The following TMEM59 variants were observed in gnomAD, a reference collection of about 807,000 sequenced individuals.
TMEM59 encodes dendritic cell factor 1.
A neutral mutation model predicts 42.2 loss-of-function variants in TMEM59; 44 were observed. That is an observed-to-expected ratio of 1.04 (90% confidence interval 0.82 to 1.34). TMEM59 has a LOEUF of 1.34. Among genes scored for constraint, TMEM59 ranks in the 40% most tolerant of loss-of-function variants. The probability of loss-of-function intolerance (pLI) is 0.00; values close to 1 mark genes in which losing one functional copy is unlikely to be tolerated. For missense variants in TMEM59, 359 were observed against 382.8 expected (o/e 0.94, Z 0.52); for synonymous variants, 148 against 145.8 (o/e 1.02, Z -0.11).
At chr1:54,044,339 C>CAAA (rs1557678253) in intron 3 of TMEM59, 1 of 49,742 alleles carries the variant, frequency 2.0e-5, no homozygotes, top group South Asian at 1.1e-3. Context: ...GAGACTCCAT[C>CAAA]ACAAAAAAAA....
At chr1:54,050,443 G>A (rs1197383353) in intron 1 of TMEM59, among the ~76,000 whole-genome samples, 1 of 150,804 alleles carries the variant, frequency 6.6e-6, no homozygotes, top group Non-Finnish European at 1.5e-5. Flanking sequence ...TTTCTATCTC[G>A]TTTTTCAAAC....
At chr1:54,052,270 G>C (rs951272575) in intron 1 of TMEM59, among the ~76,000 whole-genome samples, 4 of 152,274 alleles carry the variant, frequency 2.6e-5, no homozygotes, top group Admixed American at 2.6e-4. Context: ...GGGAAGCATA[G>C]AGAGGAGGGC....
At chr1:54,045,936 T>C in intron 2 of TMEM59, 150 bp from the exon 3 acceptor site, 1 of 619,180 alleles carries the variant, frequency 1.6e-6, no homozygotes. Flanking sequence ...TAGTAGGAAA[T>C]GTATCTTTAA....
chr1:54,043,409 A>T lies in TMEM59; in HGVS notation c.507T>A (p.Tyr169Ter), dbSNP rs1657210946. ...QSFITSSWTFYLQADDGKIVI... is the reference protein window; with the variant it reads ...QSFITSSWTF Reference sequence around the variant, plus strand: ...CTATTTTTCCGTCATCGGCTTGAAGATAAAAAGTCCATGAAGAGGTTATGA... The same window carrying T: ...CTATTTTTCCGTCATCGGCTTGAAGTTAAAAAGTCCATGAAGAGGTTATGA... Residue 169 changes from tyrosine to a stop codon, truncating the protein, a stop_gained, in exon 4 of 8, where the codon TAT becomes TAA. Transcript: ENST00000234831. LOFTEE classifies it high-confidence loss of function. 2 of 1,566,270 alleles carry T rather than the reference A, an allele frequency of 1.3e-6. No individual in the cohort carries two copies. The highest frequency in any genetic ancestry group is 1.7e-6 in the Non-Finnish European group (2 of 1,157,964).
At chr1:54,036,152 C>T (rs151058816) in intron 7 of TMEM59, among the ~76,000 whole-genome samples, 1,893 of 151,992 alleles carry the variant, frequency 0.012, 32 homozygotes, top group African/African-American at 0.043. Context: ...GACATGGTGG[C>T]GCATGCTTGT....
At chr1:54,032,614 TA>T (rs960823246) in intron 7 of TMEM59, among the ~76,000 whole-genome samples, 3 of 152,224 alleles carry the variant, frequency 2.0e-5, no homozygotes, top group Non-Finnish European at 4.4e-5. Flanking sequence ...TACCAAGTGG[TA>T]AAATAATTTG....
At chr1:54,049,190 T>C (rs1056742353) in intron 1 of TMEM59, among the ~76,000 whole-genome samples, 4 of 152,220 alleles carry the variant, frequency 2.6e-5, no homozygotes, top group Admixed American at 2.0e-4. Flanking sequence ...TTGCCACTTA[T>C]TCTGCACAAC....
At chr1:54,047,515 G>C (rs1015988104) in intron 1 of TMEM59, 143 bp from the exon 2 acceptor site, 2 of 659,078 alleles carry the variant, frequency 3.0e-6, no homozygotes, top group African/African-American at 3.7e-5. Flanking sequence ...AAAATGATAG[G>C]AGCCAGTTGA....
At position 54,045,787 on chromosome 1, in the gene TMEM59, C is replaced by A; in HGVS notation, c.296-1G>T. The A allele has an allele frequency of 6.2e-7, 1 of 1,602,236 alleles. No homozygotes were observed. The highest frequency in any genetic ancestry group is 8.5e-7 in the Non-Finnish European group (1 of 1,172,580). On this transcript the variant is annotated splice_acceptor_variant, in intron 2 of 7. Coordinates refer to ENST00000234831, the MANE Select transcript of TMEM59 (RefSeq NM_004872.5). LOFTEE classifies it high-confidence loss of function. ...GATTGGGAATATGCTTCTGTACATG[C>A]TGTAAGAGAAAAATAGTCAAATTAC...
At chr1:54,053,520 G>A (rs1323173575), upstream of TMEM59, 1 of 275,200 alleles carries the variant, frequency 3.6e-6, no homozygotes, top group African/African-American at 2.2e-5. Flanking sequence ...CGGGAAAGTT[G>A]GTCTCGGAAA....
chr1:54,051,495 T>C (rs1203463678), intron 1 of TMEM59, among the ~76,000 whole-genome samples: 1 of 152,144 alleles, frequency 6.6e-6, no homozygotes, highest in Non-Finnish European at 1.5e-5. Flanking sequence ...TGTTAGAAAA[T>C]AGTGGACATT....
At chr1:54,052,975 G>A (rs767779524) in intron 1 of TMEM59, 25 bp downstream of exon 1, 21 of 1,594,036 alleles carry the variant, frequency 1.3e-5, no homozygotes, top group Non-Finnish European at 6.0e-6. Flanking sequence ...GGGAAGGGTC[G>A]CAGCCCGCTC....
upstream of TMEM59, chr1:54,053,269 T>TTC (rs1407735717): frequency 4.6e-6 from 7 of 1,526,352 alleles, no homozygotes; most frequent in Admixed American, 1.3e-4. Context: ...GCCAGCCCCC[T>TTC]TCTCCGCCCC....
intron 7 of TMEM59, 31 bp from the exon 8 acceptor site, chr1:54,032,336 T>C (rs759219322): frequency 3.3e-6 from 5 of 1,519,378 alleles, no homozygotes; most frequent in South Asian, 1.3e-5. Flanking sequence ...ACATTAGTAG[T>C]CTGGATAATT....
rs1377128369 is a variant in TMEM59 at position 54,027,175 on chromosome 1, G to C, written c.*4975C>G. ...GTCACCAATAGAAATGAGACATTTAGATATATTACAGTTGTTAGATATTTC... is the reference window on the plus strand; with the variant it reads ...GTCACCAATAGAAATGAGACATTTACATATATTACAGTTGTTAGATATTTC... On this transcript the variant is annotated 3_prime_UTR_variant, in exon 8 of 8. Coordinates refer to ENST00000234831, the MANE Select transcript of TMEM59 (RefSeq NM_004872.5). The C allele has an allele frequency of 6.6e-6, 1 of 152,152 alleles. No individual in the cohort carries two copies. Among genetic ancestry groups the C allele is most frequent in the Non-Finnish European group, 1.5e-5 (1 of 68,032 alleles). 9.4% of individuals were successfully genotyped at this position (152,152 alleles called of 1,614,324 possible).
intron 6 of TMEM59, among the ~76,000 whole-genome samples, chr1:54,038,823 G>GA (rs1290558692): frequency 9.2e-5 from 14 of 151,988 alleles, no homozygotes; most frequent in African/African-American, 3.4e-4. Flanking sequence ...CACTGAAGGG[G>GA]AAAAAGCATT....
At chr1:54,040,975 C>T in intron 5 of TMEM59, 138 bp from the exon 6 acceptor site, 1 of 645,184 alleles carries the variant, frequency 1.5e-6, no homozygotes, top group Non-Finnish European at 2.7e-6. Flanking sequence ...ATAATGTGTA[C>T]CAGTTTCTCT....
intron 3 of TMEM59, 106 bp from the exon 4 acceptor site, chr1:54,043,631 CAATTAAAT>C (rs1657221794): frequency 1.6e-6 from 1 of 640,730 alleles, no homozygotes; most frequent in Non-Finnish European, 2.2e-6. Flanking sequence ...AGGATACAAA[CAATTAAAT>C]ACATCTACCA....
rs200099909 is a variant in TMEM59 at position 54,043,355 on chromosome 1, A to G, written c.543+18T>C. The G allele has an allele frequency of 1.7e-3, 2,652 of 1,519,248 alleles. 3 individuals are homozygous for G. Among genetic ancestry groups the G allele is most frequent in the Non-Finnish European group, 2.2e-3 (2,509 of 1,134,898 alleles). 94.1% of individuals were successfully genotyped at this position (1,519,248 alleles called of 1,614,324 possible). On this transcript the variant is annotated intron_variant, in intron 4 of 7. Coordinates refer to ENST00000234831, the MANE Select transcript of TMEM59 (RefSeq NM_004872.5). ...CTGTTGTTAGTATTTAGATGAATCC[A>G]TGAAGCTCAGTTGTCACCTGGAATA...
Sources: gnomAD v4.1 joint callset for allele counts (sites outside exome capture counted in the v4.1 genomes callset) on GRCh38, gnomAD v4.1.1 for gene constraint, MANE v1.5 for transcripts, NCBI Gene and HGNC (gene_info 2026-07-23, HGNC 2026-07-21) for gene names.